Variants in TAOK3 observed in about 807,000 individuals in gnomAD.
TAOK3 encodes serine/threonine-protein kinase TAO3.
In TAOK3, 40 loss-of-function variants were observed where a neutral mutation model predicts 120.4. The ratio of observed to expected loss-of-function variants is 0.33; its 90% CI spans 0.26 to 0.43. TAOK3 has a LOEUF of 0.43. TAOK3 is among the 20% of genes least tolerant of loss of function. The probability of loss-of-function intolerance (pLI) is 1.00; values close to 1 mark genes in which losing one functional copy is unlikely to be tolerated. For missense variants in TAOK3, 821 were observed against 1,112.1 expected (o/e 0.74, Z 3.72); for synonymous variants, 355 against 387.5 (o/e 0.92, Z 0.99).
At chr12:118,259,381 G>T (rs1178429501) in intron 2 of TAOK3, among the ~76,000 whole-genome samples, 1 of 151,914 alleles carries the variant, frequency 6.6e-6, no homozygotes, top group African/African-American at 2.4e-5. Flanking sequence ...CGCTACAAAA[G>T]ATACAAAAAC....
chr12:118,318,185 G>A (rs1178310064), intron 1 of TAOK3, among the ~76,000 whole-genome samples: 1 of 145,348 alleles, frequency 6.9e-6, no homozygotes. Flanking sequence ...TTTAGATGGA[G>A]TCTTGCTCTG....
rs556802843 is a variant in TAOK3, at chr12:118,205,928, C to CTT, written c.820-4467_820-4466dup. On this transcript the variant is annotated intron_variant, in intron 11 of 20. Transcript: ENST00000392533. ...TTTCAGACCCAATCTCTCTCTCTCT[C>CTT]TTTTTTTTTTTTTTGCCTTACTTGA... Among the ~76,000 whole-genome samples, 975 of 142,320 alleles carry CTT rather than the reference C, an allele frequency of 6.9e-3. 5 individuals carry two copies. Among genetic ancestry groups the CTT allele is most frequent in the Middle Eastern group, 0.011 (3 of 274 alleles). The allele number at this position is 142,320 out of a possible 152,430, so 93.4% of individuals were successfully genotyped here.
chr12:118,177,042 C>T (rs774128295), intron 16 of TAOK3, among the ~76,000 whole-genome samples, 159 bp downstream of exon 16: 14 of 152,194 alleles, frequency 9.2e-5, no homozygotes, highest in Admixed American at 9.2e-4. Context: ...GCTGGGATTA[C>T]AGGTGTGAGT....
chr12:118,361,166 A>G (rs933125906), intron 1 of TAOK3, among the ~76,000 whole-genome samples: 1 of 152,200 alleles, frequency 6.6e-6, no homozygotes, highest in Admixed American at 6.5e-5. Flanking sequence ...ATGCCCCCGT[A>G]CTGAATTTTA....
intron 1 of TAOK3, among the ~76,000 whole-genome samples, chr12:118,349,648 T>C (rs2045047221): frequency 1.3e-5 from 2 of 152,212 alleles, no homozygotes; most frequent in Admixed American, 6.5e-5. Context: ...TTTGGTGTAA[T>C]GAAAATGTTC....
At chr12:118,345,562 T>G (rs2044820069) in intron 1 of TAOK3, among the ~76,000 whole-genome samples, 1 of 152,152 alleles carries the variant, frequency 6.6e-6, no homozygotes. Flanking sequence ...TTTCAAGCCC[T>G]GGCTGCTCAA....
chr12:118,331,645 C>CAAAAAAAA (rs57291591), intron 1 of TAOK3, among the ~76,000 whole-genome samples: 1 of 47,984 alleles, frequency 2.1e-5, no homozygotes. Flanking sequence ...ACTCTTATCT[C>CAAAAAAAA]AAAAAAAAAA....
In TAOK3 at chr12:118,150,035, G is replaced by A. The variant is rs181268493; in HGVS notation, c.*962C>T. On this transcript the variant is annotated 3_prime_UTR_variant, in exon 21 of 21. Transcript: ENST00000392533. ...GAAGGGGAAGGGAGATAAAGAAAAAGATCAAGATGATCTGATTGAGAGACA... is the reference window on the plus strand; with the variant it reads ...GAAGGGGAAGGGAGATAAAGAAAAAAATCAAGATGATCTGATTGAGAGACA... 1,127 of 152,222 alleles carry A rather than the reference G, an allele frequency of 7.4e-3. 9 individuals are homozygous for A. The highest frequency in any genetic ancestry group is 0.011 in the Non-Finnish European group (748 of 67,974). The allele number at this position is 152,222 out of a possible 1,614,324, so 9.4% of individuals were successfully genotyped here.
chr12:118,163,804 C>T (rs564554569), intron 17 of TAOK3, among the ~76,000 whole-genome samples: 1 of 152,104 alleles, frequency 6.6e-6, no homozygotes, highest in South Asian at 2.1e-4. Context: ...CTCCGCCTCC[C>T]AGGTTCAAGC....
At chr12:118,238,806 A>AT (rs998473261) in intron 6 of TAOK3, among the ~76,000 whole-genome samples, 9 of 151,714 alleles carry the variant, frequency 5.9e-5, no homozygotes, top group Non-Finnish European at 1.0e-4. Context: ...GGCTCAAGAT[A>AT]TTTTTTTTAA....
intron 1 of TAOK3, among the ~76,000 whole-genome samples, chr12:118,364,399 T>C (rs1474958107): frequency 2.0e-5 from 3 of 152,098 alleles, no homozygotes; most frequent in African/African-American, 4.8e-5. Flanking sequence ...TGGAAGATGT[T>C]CTGAGTTGAA....
chr12:118,186,760 C>T (rs1290842002), intron 14 of TAOK3, among the ~76,000 whole-genome samples: 1 of 152,146 alleles, frequency 6.6e-6, no homozygotes, highest in African/African-American at 2.4e-5. Flanking sequence ...TAAAAAGTTA[C>T]AATGCTAAAG....
intron 1 of TAOK3, among the ~76,000 whole-genome samples, chr12:118,271,458 G>A (rs1206821328): frequency 1.3e-5 from 2 of 152,122 alleles, no homozygotes; most frequent in Non-Finnish European, 2.9e-5. Context: ...TTTCATGACT[G>A]GCATTTTTCA....
chr12:118,234,996 G>T (rs142208923), intron 8 of TAOK3, among the ~76,000 whole-genome samples: 1 of 152,078 alleles, frequency 6.6e-6, no homozygotes, highest in Non-Finnish European at 1.5e-5. Context: ...TTTTTTAGTA[G>T]ACAAGTAATT....
chr12:118,341,372 A>G (rs1029407612), intron 1 of TAOK3, among the ~76,000 whole-genome samples: 1 of 150,944 alleles, frequency 6.6e-6, no homozygotes, highest in Non-Finnish European at 1.5e-5. Flanking sequence ...CAAATTTTCA[A>G]ATCTCCTAAA....
At position 118,150,387 on chromosome 12, in the gene TAOK3, T is replaced by TCCA. The variant is rs2034303024; in HGVS notation, c.*609_*610insTGG. 1 of 71,564 alleles carries TCCA rather than the reference T, an allele frequency of 1.4e-5. No homozygotes were observed. The highest frequency in any genetic ancestry group is 5.5e-5 in the African/African-American group (1 of 18,172). 4.4% of individuals were successfully genotyped at this position (71,564 alleles called of 1,614,324 possible). On this transcript the variant is annotated 3_prime_UTR_variant, in exon 21 of 21. Transcript: ENST00000392533. The stretch of plus-strand genomic sequence containing the variant: ...ATCTCTTCACCCCACCCACCCCCCG[T>TCCA]CCCCAAAAAAGTAATAATATGTCAC...
intron 1 of TAOK3, among the ~76,000 whole-genome samples, chr12:118,314,751 T>C (rs1431214220): frequency 2.0e-5 from 3 of 152,142 alleles, no homozygotes; most frequent in Admixed American, 2.0e-4. Context: ...ATCCTGTATC[T>C]TTTCCACCAT....
At chr12:118,340,137 T>C (rs1247664882) in intron 1 of TAOK3, among the ~76,000 whole-genome samples, 1 of 152,216 alleles carries the variant, frequency 6.6e-6, no homozygotes, top group African/African-American at 2.4e-5. Context: ...ATGCCTGAAA[T>C]ATGGAGAGTG....
intron 9 of TAOK3, among the ~76,000 whole-genome samples, chr12:118,221,514 A>G (rs2039229771): frequency 6.6e-6 from 1 of 152,178 alleles, no homozygotes; most frequent in Non-Finnish European, 1.5e-5. Context: ...GATTATAGGC[A>G]TGAGCCACCG....
Sources: gnomAD v4.1 joint callset for allele counts (sites outside exome capture counted in the v4.1 genomes callset) on GRCh38, gnomAD v4.1.1 for gene constraint, MANE v1.5 for transcripts, NCBI Gene and HGNC (gene_info 2026-07-23, HGNC 2026-07-21) for gene names.